KIAA0319: variants seen among roughly 807,000 people sequenced by gnomAD.
The protein encoded by KIAA0319 is KIAA0319.
In KIAA0319, 83 loss-of-function variants were observed where a neutral mutation model predicts 108.4. The ratio of observed to expected loss-of-function variants is 0.77; its 90% CI spans 0.64 to 0.92. The LOEUF (loss-of-function observed/expected upper bound fraction) is 0.92, where lower values mean the gene tolerates loss of function less well. KIAA0319 is among the 40% of genes least tolerant of loss of function. The pLI is 0.00. For missense variants in KIAA0319, 1,195 were observed against 1,322.4 expected, an observed-to-expected ratio of 0.90 and a Z score of 1.49; for synonymous variants, 484 against 510.4, an observed-to-expected ratio of 0.95 and a Z score of 0.70.
At position 24,547,076 on chromosome 6, in the gene KIAA0319, C is replaced by T; in HGVS notation, c.*89G>A. 3 of 1,345,474 alleles carry T rather than the reference C, an allele frequency of 2.2e-6. No individual in the cohort carries two copies. Among genetic ancestry groups the T allele is most frequent in the Non-Finnish European group, 1.0e-6 (1 of 954,496 alleles). 83.3% of individuals were successfully genotyped at this position (1,345,474 alleles called of 1,614,324 possible). On this transcript the variant is annotated 3_prime_UTR_variant, in exon 21 of 21. Transcript: ENST00000378214. ...CCCACTGGGGAAGAAGGTCAATGAACTATTCTAAAAGAGTGGGTTTTGTGC... is the reference window on the plus strand; with the variant it reads ...CCCACTGGGGAAGAAGGTCAATGAATTATTCTAAAAGAGTGGGTTTTGTGC...
intron 13 of KIAA0319, among the ~76,000 whole-genome samples, chr6:24,567,865 T>C (rs1764117933): frequency 2.0e-5 from 3 of 152,176 alleles, no homozygotes; most frequent in Non-Finnish European, 4.4e-5. Context: ...AAATCCTGCT[T>C]GTCCAGAAGG....
In KIAA0319 at chr6:24,580,479, C is replaced by T. The variant is rs183573775; in HGVS notation, c.1279+447G>A. Among the ~76,000 whole-genome samples the T allele has an allele frequency of 3.0e-4, 46 of 152,304 alleles. 1 individual carries two copies. The highest frequency in any genetic ancestry group is 1.1e-3 in the African/African-American group (45 of 41,566). ...CCAGCCCATGTTCTACTCACCAAGC[C>T]AGGGCTGTGCCCACCCAGCCCAAGA... On this transcript the variant is annotated intron_variant, in intron 7 of 20. Transcript: ENST00000378214.
At chr6:24,605,391 T>C (rs1204637265) in intron 1 of KIAA0319, among the ~76,000 whole-genome samples, 1 of 152,198 alleles carries the variant, frequency 6.6e-6, no homozygotes, top group Non-Finnish European at 1.5e-5. Flanking sequence ...TACTTAAGAC[T>C]TTCCTTACTT....
At chr6:24,634,143 A>C (rs1482186225) in intron 1 of KIAA0319, among the ~76,000 whole-genome samples, 1 of 152,256 alleles carries the variant, frequency 6.6e-6, no homozygotes, top group African/African-American at 2.4e-5. Flanking sequence ...AACACCTGTC[A>C]TGAAGGACTG....
Position 24,588,764 on chromosome 6 carries a change from G to A in KIAA0319, c.823C>T (p.Leu275Phe), listed in dbSNP as rs1259885207. ...GKEVLMPSHS[L>F]PPASLELSSV... The stretch of plus-strand genomic sequence containing the variant: ...CTGAGCTCCAGGCTTGCCGGAGGAA[G>A]ACTATGGGAAGGCATTAGAACCTAC... Residue 275 changes from leucine (L) to phenylalanine (F), a missense_variant, in exon 4 of 21, where the codon CTT becomes TTT. Leu to Phe is a conservative substitution (Grantham distance 22). Coordinates refer to ENST00000378214, the MANE Select transcript of KIAA0319 (RefSeq NM_014809.4). The A allele has an allele frequency of 6.2e-7, 1 of 1,613,734 alleles. No homozygotes were observed. The highest frequency in any genetic ancestry group is 1.7e-5 in the Admixed American group (1 of 59,960).
intron 1 of KIAA0319, among the ~76,000 whole-genome samples, chr6:24,604,932 C>T (rs1771180834): frequency 2.0e-5 from 3 of 152,162 alleles, no homozygotes; most frequent in Non-Finnish European, 4.4e-5. Context: ...CCTCTTCCTC[C>T]CGGGTTCAAG....
chr6:24,601,215 A>G lies in KIAA0319; in HGVS notation c.-105-7T>C, dbSNP rs1251387035. 6.5e-7 allele frequency: 1 copy of G among 1,548,276 alleles called. No homozygotes were observed. The highest frequency in any genetic ancestry group is 8.7e-7 in the Non-Finnish European group (1 of 1,149,242). ...CCAGATTTGGCCTCAAGAACTTCAA[A>G]GGAAAAACATAAAAGAGGAAGGAAG... On this transcript the variant is annotated splice_polypyrimidine_tract_variant and splice_region_variant and intron_variant, in intron 1 of 20. Coordinates refer to ENST00000378214, the MANE Select transcript of KIAA0319 (RefSeq NM_014809.4).
downstream of KIAA0319, among the ~76,000 whole-genome samples, chr6:24,540,734 C>T (rs1363457294): frequency 4.6e-5 from 7 of 151,410 alleles, no homozygotes; most frequent in African/African-American, 1.7e-4. Context: ...TCTGGCCTTT[C>T]CTTCTCAACA....
chr6:24,595,791 C>T, intron 3 of KIAA0319, 82 bp downstream of exon 3: 1 of 1,462,804 alleles, frequency 6.8e-7, no homozygotes, highest in Non-Finnish European at 9.2e-7. Context: ...TGAATGAGTG[C>T]CCGGCTCCTG....
Position 24,583,655 on chromosome 6 carries a change from G to T in KIAA0319, c.1042C>A (p.Pro348Thr). 5 of 1,613,816 alleles carry T rather than the reference G, an allele frequency of 3.1e-6. No individual in the cohort carries two copies. Among genetic ancestry groups the T allele is most frequent in the Non-Finnish European group, 3.4e-6 (4 of 1,179,844 alleles). ...GCCTTCAGTTCAACTTCATTGTCGG[G>T]TAAAGTTATAATTAGGTTATCTCCA... ...SAGDNLIITL[P>T]DNEVELKAFV... Residue 348 changes from proline (P) to threonine (T), a missense_variant, in exon 5 of 21, where the codon CCC (proline) becomes ACC (threonine). Coordinates refer to ENST00000378214, the MANE Select transcript of KIAA0319 (RefSeq NM_014809.4).
chr6:24,610,606 C>T (rs376047310), intron 1 of KIAA0319, among the ~76,000 whole-genome samples: 12 of 152,020 alleles, frequency 7.9e-5, no homozygotes, highest in Non-Finnish European at 1.6e-4. Flanking sequence ...AAACATATAG[C>T]CACAAAACAA....
intron 1 of KIAA0319, among the ~76,000 whole-genome samples, chr6:24,639,814 T>C (rs111984191): frequency 0.034 from 4,872 of 141,612 alleles, 249 homozygotes; most frequent in African/African-American, 0.12. Context: ...ACCATTTCAC[T>C]CCAGTCTGGG....
chr6:24,575,445 T>C (rs946124847), intron 10 of KIAA0319, among the ~76,000 whole-genome samples: 2 of 152,190 alleles, frequency 1.3e-5, no homozygotes, highest in Non-Finnish European at 2.9e-5. Flanking sequence ...TGAATCAGAA[T>C]TCTTAACACA....
At chr6:24,595,555 A>AAC (rs1554164803) in intron 3 of KIAA0319, among the ~76,000 whole-genome samples, 3 of 148,180 alleles carry the variant, frequency 2.0e-5, no homozygotes, top group Admixed American at 1.4e-4. Context: ...TCAAAAAAAA[A>AAC]AAAAAAAAAA....
chr6:24,640,999 A>G (rs1776844219), intron 1 of KIAA0319, among the ~76,000 whole-genome samples: 1 of 152,090 alleles, frequency 6.6e-6, no homozygotes, highest in South Asian at 2.1e-4. Context: ...AACCATCATC[A>G]CTATCTATCT....
chr6:24,631,791 C>T (rs1044996342), intron 1 of KIAA0319, among the ~76,000 whole-genome samples: 1 of 152,228 alleles, frequency 6.6e-6, no homozygotes, highest in African/African-American at 2.4e-5. Context: ...AGTAAATTAT[C>T]ACCTTTAGAA....
In KIAA0319 at chr6:24,560,357, C is replaced by T. The variant is rs573722744; in HGVS notation, c.2592-1202G>A. ...ATGTTCCAGTTTCTCCACAGGCTCGCCAGCACTTGCTATGGTCTGTCTTGG... is the reference window on the plus strand; with the variant it reads ...ATGTTCCAGTTTCTCCACAGGCTCGTCAGCACTTGCTATGGTCTGTCTTGG... On this transcript the variant is annotated intron_variant, in intron 16 of 20. Coordinates refer to ENST00000378214, the MANE Select transcript of KIAA0319 (RefSeq NM_014809.4). Among the ~76,000 whole-genome samples, 58 of 152,312 alleles carry T rather than the reference C, an allele frequency of 3.8e-4. No homozygotes were observed. In the East Asian group the frequency reaches 4.0e-3, roughly 11 times the overall value.
At chr6:24,628,487 TC>T (rs928366508) in intron 1 of KIAA0319, among the ~76,000 whole-genome samples, 2 of 152,148 alleles carry the variant, frequency 1.3e-5, no homozygotes, top group African/African-American at 4.8e-5. Flanking sequence ...CCATTTCCGT[TC>T]CCCCATCAGG....
chr6:24,564,097 C>G, intron 15 of KIAA0319, 105 bp downstream of exon 15: 1 of 1,423,846 alleles, frequency 7.0e-7, no homozygotes, highest in Non-Finnish European at 9.6e-7. Flanking sequence ...AGAGCTGGAG[C>G]CAGCCACAGG....
Sources: gnomAD v4.1 joint callset for allele counts (sites outside exome capture counted in the v4.1 genomes callset) on GRCh38, gnomAD v4.1.1 for gene constraint, MANE v1.5 for transcripts, NCBI Gene and HGNC (gene_info 2026-07-23, HGNC 2026-07-21) for gene names.